The following ZNF783 variants were observed in gnomAD, a reference collection of about 807,000 sequenced individuals.
ZNF783 encodes zinc finger protein 783.
In ZNF783, 25 loss-of-function variants were observed where a neutral mutation model predicts 31.3. The observed-to-expected ratio is 0.80, with a 90% confidence interval of 0.58 to 1.11. The LOEUF (loss-of-function observed/expected upper bound fraction) is 1.11, where lower values mean the gene tolerates loss of function less well. Ranked by LOEUF, ZNF783 falls within the 50% of genes most tolerant of loss-of-function variation. ZNF783 has a pLI of 0.00. For missense variants in ZNF783, 797 were observed against 760.0 expected (o/e 1.05, Z -0.57); for synonymous variants, 369 against 319.1 (o/e 1.16, Z -1.66).
Position 149,282,304 on chromosome 7 carries a change from C to G in ZNF783, c.1602C>G (p.Ser534Arg), listed in dbSNP as rs754997159. 1 of 1,562,654 alleles carries G rather than the reference C, an allele frequency of 6.4e-7. No individual in the cohort carries two copies. ...CTGCCGCCCCCGCCCGCCACGGGAG[C>G]CTGCCCCTGCCCTGGCCCAGCCGGA... ...HFPAAPARHG[S>R]LPLPWPSRKE... Residue 534 changes from serine to arginine, a missense_variant, in exon 6 of 6, where the codon AGC becomes AGG. Transcript: ENST00000434415.
intron 1 of ZNF783, among the ~76,000 whole-genome samples, chr7:149,264,787 C>T (rs1176845568): frequency 2.0e-5 from 3 of 149,496 alleles, no homozygotes; most frequent in Admixed American, 1.4e-4. Flanking sequence ...GCAGGAGAAT[C>T]GCTTGAACTT....
chr7:149,283,953 G>T lies in ZNF783; in HGVS notation c.*1610G>T, dbSNP rs1196716507. The stretch of plus-strand genomic sequence containing the variant: ...GGCAGTTCCACTGGGTTCAGTGAAA[G>T]AGTCGCCCATGGGGCTCTGTTCCCC... On this transcript the variant is annotated 3_prime_UTR_variant, in exon 6 of 6. Coordinates refer to ENST00000434415, the MANE Select transcript of ZNF783 (RefSeq NM_001195220.2). 2 of 152,242 alleles carry T rather than the reference G, an allele frequency of 1.3e-5. No individual in the cohort carries two copies. Among genetic ancestry groups the T allele is most frequent in the African/African-American group, 4.8e-5 (2 of 41,454 alleles). 9.4% of individuals were successfully genotyped at this position (152,242 alleles called of 1,614,324 possible). A position where few individuals can be genotyped will look rare whatever the true frequency, so the allele number is the denominator to read the frequency against.
intron 5 of ZNF783, among the ~76,000 whole-genome samples, chr7:149,279,226 CAG>C (rs1797402783): frequency 6.6e-6 from 1 of 152,238 alleles, no homozygotes; most frequent in Non-Finnish European, 1.5e-5. Context: ...TCTTTCCAGC[CAG>C]TGTGTAAGTC....
intron 5 of ZNF783, among the ~76,000 whole-genome samples, chr7:149,279,326 C>T (rs898382155): frequency 6.6e-6 from 1 of 152,234 alleles, no homozygotes; most frequent in Admixed American, 6.5e-5. Context: ...GAACGGTGTC[C>T]GGGAGCCTCC....
At chr7:149,267,735 T>A (rs1797115521) in intron 4 of ZNF783, among the ~76,000 whole-genome samples, 1 of 152,084 alleles carries the variant, frequency 6.6e-6, no homozygotes, top group Non-Finnish European at 1.5e-5. Flanking sequence ...AGGCGGAGTT[T>A]GCAATGAGCC....
In ZNF783 at chr7:149,267,745, C is replaced by T. The variant is rs542776492; in HGVS notation, c.673+523C>T. Among the ~76,000 whole-genome samples the T allele has an allele frequency of 3.9e-5, 6 of 152,168 alleles. No homozygotes were observed. In the East Asian group the frequency reaches 5.8e-4, roughly 15 times the overall value. On this transcript the variant is annotated intron_variant, in intron 4 of 5. Transcript: ENST00000434415. ...CCGGGAGGCGGAGTTTGCAATGAGC[C>T]GAGATTGCGCCACTGCACTCCAGCC...
At chr7:149,277,740 A>C (rs1797366591) in intron 4 of ZNF783, 1 of 131,028 alleles carries the variant, frequency 7.6e-6, no homozygotes, top group Non-Finnish European at 1.6e-5. Flanking sequence ...CTCCGCCTCA[A>C]AAAAAAAAAA....
chr7:149,265,483 A>G (rs923034006), intron 1 of ZNF783, among the ~76,000 whole-genome samples: 1 of 152,278 alleles, frequency 6.6e-6, no homozygotes, highest in East Asian at 1.9e-4. Flanking sequence ...TGGTTTGCAG[A>G]CGGCTGCCTT....
intron 1 of ZNF783, among the ~76,000 whole-genome samples, chr7:149,266,097 G>A (rs1797057170): frequency 6.6e-6 from 1 of 152,222 alleles, no homozygotes; most frequent in Non-Finnish European, 1.5e-5. Context: ...AGCCGGGGCT[G>A]TTTTTCTTCC....
In ZNF783 at chr7:149,281,851, G is replaced by C; in HGVS notation, c.1149G>C (p.Ser383=). ...GGCGGCAGGAGGCCCCCGGCCGCTC[G>C]CCCACCAGCTGCGGGGACAGCCAGG... ...EEGRQEAPGR[S]PTSCGDSQAM... is the part of the protein sequence containing the mutation. The change falls in exon 6 of 6, where the codon TCG becomes TCC. Residue 383 remains serine (S), a synonymous_variant. Coordinates refer to ENST00000434415, the MANE Select transcript of ZNF783 (RefSeq NM_001195220.2). The C allele has an allele frequency of 6.7e-7, 1 of 1,494,352 alleles. No homozygotes were observed. 92.6% of individuals were successfully genotyped at this position (1,494,352 alleles called of 1,614,324 possible). A position where few individuals can be genotyped will look rare whatever the true frequency, so the allele number is the denominator to read the frequency against.
intron 4 of ZNF783, among the ~76,000 whole-genome samples, chr7:149,269,135 C>A (rs1351175778): frequency 6.6e-6 from 1 of 152,152 alleles, no homozygotes; most frequent in African/African-American, 2.4e-5. Context: ...TTAATAATTG[C>A]CATTCTGACT....
intron 4 of ZNF783, chr7:149,277,736 CTCAAAAAAAAAAAAAAAAAT>C (rs1404686630): frequency 1.1e-4 from 13 of 120,474 alleles, no homozygotes; most frequent in East Asian, 4.5e-4. Context: ...GAGACTCCGC[CTCAAAAAAAAAAAAAAAAAT>C]TCAAAAAAAA....
rs1198775292 is a variant in ZNF783, at chr7:149,282,601, G to A, written c.*258G>A. The A allele has an allele frequency of 1.6e-5, 7 of 448,124 alleles. No individual in the cohort carries two copies. The highest frequency in any genetic ancestry group is 2.7e-5 in the Non-Finnish European group (7 of 256,146). The allele number at this position is 448,124 out of a possible 1,614,324, so 27.8% of individuals were successfully genotyped here. A position where few individuals can be genotyped will look rare whatever the true frequency, so the allele number is the denominator to read the frequency against. ...TGCCATATTTTTGATAAGGCCTCTG[G>A]TAGGTACCACAGCCAAGAGGACCAG... On this transcript the variant is annotated 3_prime_UTR_variant, in exon 6 of 6. Coordinates refer to ENST00000434415, the MANE Select transcript of ZNF783 (RefSeq NM_001195220.2).
intron 4 of ZNF783, 61 bp from the exon 5 acceptor site, chr7:149,278,338 C>G: frequency 6.3e-7 from 1 of 1,590,764 alleles, no homozygotes; most frequent in Non-Finnish European, 8.5e-7. Flanking sequence ...CAGAGGGTCC[C>G]TGGTCATCTG....
chr7:149,266,425 A>G lies in ZNF783; in HGVS notation c.115A>G (p.Thr39Ala), dbSNP rs375252803. ...TGAGAAGAACTCGTACCTCTACTCC[A>G]CGGAAATCACACTGTGGACGGTGGT... ...AAEKNSYLYSTEITLWTVVAA... is the reference protein window; with the variant it reads ...AAEKNSYLYSAEITLWTVVAA... The change falls in exon 2 of 6, where the codon ACG becomes GCG. Residue 39 changes from threonine (T) to alanine (A), a missense_variant. By Grantham distance (58) the Thr-to-Ala change is moderately conservative. Coordinates refer to ENST00000434415, the MANE Select transcript of ZNF783 (RefSeq NM_001195220.2). 6.4e-5 allele frequency: 103 copies of G among 1,603,170 alleles called. No homozygotes were observed. Among genetic ancestry groups the G allele is most frequent in the Non-Finnish European group, 8.2e-5 (97 of 1,179,862 alleles).
At chr7:149,276,475 T>G in intron 4 of ZNF783, 1 of 985,650 alleles carries the variant, frequency 1.0e-6, no homozygotes, top group Non-Finnish European at 1.2e-6. Context: ...ACCCGTTGGT[T>G]TATAACTCTC....
chr7:149,262,642 C>T (rs1796954348), intron 1 of ZNF783, among the ~76,000 whole-genome samples: 1 of 152,202 alleles, frequency 6.6e-6, no homozygotes, highest in South Asian at 2.1e-4. Flanking sequence ...ACGAGGAGGC[C>T]GCGCCTTAGG....
intron 4 of ZNF783, among the ~76,000 whole-genome samples, chr7:149,274,655 C>T (rs910996059): frequency 9.2e-5 from 14 of 152,212 alleles, no homozygotes; most frequent in African/African-American, 1.4e-4. Context: ...CGTGAGCCGC[C>T]GCACCTGGCC....
At chr7:149,262,836 C>G (rs1286144592) in intron 1 of ZNF783, among the ~76,000 whole-genome samples, 1 of 152,248 alleles carries the variant, frequency 6.6e-6, no homozygotes, top group Non-Finnish European at 1.5e-5. Context: ...TTTAAAACGC[C>G]TCATATTCTA....
Sources: allele counts gnomAD v4.1 joint callset (sites outside exome capture counted in the v4.1 genomes callset), GRCh38; gene constraint gnomAD v4.1.1; transcripts MANE v1.5; gene names NCBI Gene and HGNC (gene_info 2026-07-23, HGNC 2026-07-21).